RUNX1: variants seen among roughly 807,000 people sequenced by gnomAD.
The protein encoded by RUNX1 is RUNX family transcription factor 1, also known as runt-related transcription factor 1.
A neutral mutation model predicts 42.8 loss-of-function variants in RUNX1; 19 were observed. The ratio of observed to expected loss-of-function variants is 0.44; its 90% CI spans 0.31 to 0.65. The LOEUF (loss-of-function observed/expected upper bound fraction) is 0.65. Ranked by LOEUF, RUNX1 falls within the 30% of genes least tolerant of loss-of-function variation. The pLI, the probability that RUNX1 is intolerant of heterozygous loss-of-function variation, is 0.07. For missense variants in RUNX1, 528 were observed against 672.0 expected, an observed-to-expected ratio of 0.79 and a Z score of 2.37; for synonymous variants, 271 against 289.4, an observed-to-expected ratio of 0.94 and a Z score of 0.64.
intron 4 of RUNX1, among the ~76,000 whole-genome samples, chr21:34,884,981 C>T (rs2057959816): frequency 6.6e-6 from 1 of 152,174 alleles, no homozygotes. Flanking sequence ...AGAATTCTGA[C>T]AGCTCATAAA....
intron 6 of RUNX1, among the ~76,000 whole-genome samples, chr21:34,849,279 A>AGT (rs1260484764): frequency 4.5e-5 from 3 of 66,690 alleles, no homozygotes; most frequent in African/African-American, 1.7e-4. Flanking sequence ...ATATATATAT[A>AGT]ATATATATTA....
chr21:35,002,677 C>T (rs2059055339), intron 2 of RUNX1, among the ~76,000 whole-genome samples: 1 of 152,130 alleles, frequency 6.6e-6, no homozygotes, highest in Non-Finnish European at 1.5e-5. Flanking sequence ...ATCCATCTGC[C>T]TTGCCCTCCC....
chr21:34,920,104 A>G (rs1430107024), intron 2 of RUNX1, among the ~76,000 whole-genome samples: 1 of 152,212 alleles, frequency 6.6e-6, no homozygotes, highest in Non-Finnish European at 1.5e-5. Context: ...ACCATCATCA[A>G]GGAAAAAAGT....
intron 7 of RUNX1, among the ~76,000 whole-genome samples, chr21:34,832,330 G>A (rs2057075402): frequency 6.6e-6 from 1 of 152,152 alleles, no homozygotes; most frequent in African/African-American, 2.4e-5. Context: ...AGGCATATCT[G>A]ATGAAGAAGG....
intron 2 of RUNX1, among the ~76,000 whole-genome samples, chr21:35,008,899 A>G (rs2059104734): frequency 6.6e-6 from 1 of 152,248 alleles, no homozygotes; most frequent in South Asian, 2.1e-4. Flanking sequence ...CCATTGATCC[A>G]AAGGGAAGAA....
At chr21:34,852,851 T>C (rs1473810766) in intron 6 of RUNX1, among the ~76,000 whole-genome samples, 2 of 152,180 alleles carry the variant, frequency 1.3e-5, no homozygotes, top group Non-Finnish European at 2.9e-5. Flanking sequence ...ACCTGGAAAA[T>C]ACGCTTGAAG....
intron 3 of RUNX1, chr21:34,888,149 T>A: frequency 1.9e-6 from 2 of 1,066,408 alleles, no homozygotes; most frequent in Non-Finnish European, 2.3e-6. Context: ...GACTCAGCCC[T>A]GACTCGGGCA....
At chr21:34,933,996 G>T (rs1365196236) in intron 2 of RUNX1, among the ~76,000 whole-genome samples, 1 of 152,182 alleles carries the variant, frequency 6.6e-6, no homozygotes, top group Non-Finnish European at 1.5e-5. Flanking sequence ...AGTGCAGGGG[G>T]AATTAATACT....
chr21:34,930,081 T>C (rs1448845267), intron 2 of RUNX1, among the ~76,000 whole-genome samples: 1 of 149,114 alleles, frequency 6.7e-6, no homozygotes, highest in Non-Finnish European at 1.5e-5. Flanking sequence ...ATATATCTCA[T>C]AAAGATATAT....
At chr21:34,888,313 G>T (rs1411113463) in intron 3 of RUNX1, 20 of 1,067,460 alleles carry the variant, frequency 1.9e-5, no homozygotes, top group Non-Finnish European at 2.0e-5. Flanking sequence ...GGCGGCTCGG[G>T]TTACACACGC....
At chr21:34,803,770 A>G (rs1465962448) in intron 7 of RUNX1, among the ~76,000 whole-genome samples, 1 of 152,100 alleles carries the variant, frequency 6.6e-6, no homozygotes, top group Non-Finnish European at 1.5e-5. Flanking sequence ...GAAGTTAGGG[A>G]TAAGGTAGAG....
intron 2 of RUNX1, among the ~76,000 whole-genome samples, chr21:34,918,474 T>C (rs1569104204): frequency 6.6e-6 from 1 of 152,268 alleles, no homozygotes; most frequent in Non-Finnish European, 1.5e-5. Flanking sequence ...CAGATTATTT[T>C]AGTTTTAAAA....
intron 7 of RUNX1, among the ~76,000 whole-genome samples, chr21:34,824,988 T>TAA (rs1408461061): frequency 6.6e-6 from 1 of 152,246 alleles, no homozygotes; most frequent in African/African-American, 2.4e-5. Context: ...AAACTTGTGG[T>TAA]AAACTTTGAT....
At chr21:35,029,477 G>A (rs2059258665) in intron 2 of RUNX1, among the ~76,000 whole-genome samples, 1 of 152,284 alleles carries the variant, frequency 6.6e-6, no homozygotes, top group South Asian at 2.1e-4. Flanking sequence ...CATTGGGCAG[G>A]TGAGTGGGGT....
intron 2 of RUNX1, among the ~76,000 whole-genome samples, chr21:35,017,648 T>C (rs2059169061): frequency 6.6e-6 from 1 of 152,144 alleles, no homozygotes; most frequent in South Asian, 2.1e-4. Flanking sequence ...ACGTGGGAAC[T>C]CTAAGTTTGC....
chr21:35,001,308 T>TTATATATATATATA (rs3059374), intron 2 of RUNX1, among the ~76,000 whole-genome samples: 1 of 142,442 alleles, frequency 7.0e-6, no homozygotes, highest in South Asian at 2.2e-4. Context: ...AGTTATGGTT[T>TTATATATATATATA]TATATATATA....
chr21:34,834,180 T>C (rs1256330577), intron 7 of RUNX1: 2 of 700,320 alleles, frequency 2.9e-6, no homozygotes, highest in Admixed American at 4.0e-5. Context: ...GTGCTTTTCC[T>C]TGTGGGGATC....
chr21:34,904,718 G>C (rs1361812876), intron 2 of RUNX1, among the ~76,000 whole-genome samples: 2 of 152,112 alleles, frequency 1.3e-5, no homozygotes, highest in Non-Finnish European at 2.9e-5. Context: ...AGCACTTCTA[G>C]GTAAGTTCTC....
chr21:34,832,899 G>C (rs1378384926), intron 7 of RUNX1: 1 of 152,006 alleles, frequency 6.6e-6, no homozygotes, highest in Non-Finnish European at 1.5e-5. Flanking sequence ...CAAGCTTTAG[G>C]TTTCTGTTTG....
Sources: gnomAD v4.1 joint callset for allele counts (sites outside exome capture counted in the v4.1 genomes callset) on GRCh38, gnomAD v4.1.1 for gene constraint, MANE v1.5 for transcripts, NCBI Gene and HGNC (gene_info 2026-07-23, HGNC 2026-07-21) for gene names.